The following BRD4 variants were observed in gnomAD, a reference collection of about 807,000 sequenced individuals.
BRD4 encodes the protein bromodomain-containing protein 4.
A neutral mutation model predicts 142.1 loss-of-function variants in BRD4; 16 were observed. That is an observed-to-expected ratio of 0.11 (90% CI 0.08 to 0.17). The LOEUF (loss-of-function observed/expected upper bound fraction) is 0.17, where lower values mean the gene tolerates loss of function less well. Among genes scored for constraint, BRD4 ranks in the 10% least tolerant of loss-of-function variants. The pLI, the probability that BRD4 is intolerant of heterozygous loss-of-function variation, is 1.00. For synonymous variants in BRD4, 833 were observed against 707.5 expected, an observed-to-expected ratio of 1.18 and a Z score of -2.82; for missense variants, 1,424 against 1,810.9, an observed-to-expected ratio of 0.79 and a Z score of 3.88.
At chr19:15,315,746 C>T (rs1023941837) in intron 1 of BRD4, among the ~76,000 whole-genome samples, 4 of 152,000 alleles carry the variant, frequency 2.6e-5, no homozygotes, top group African/African-American at 4.8e-5. Flanking sequence ...GTCCCAGCTA[C>T]TTGGGAGGCT....
At chr19:15,298,051 G>A (rs1449840990) in intron 1 of BRD4, among the ~76,000 whole-genome samples, 2 of 152,204 alleles carry the variant, frequency 1.3e-5, no homozygotes, top group Non-Finnish European at 2.9e-5. Context: ...GCCTCACAAG[G>A]GTTACAGCAG....
intron 11 of BRD4, among the ~76,000 whole-genome samples, chr19:15,245,762 G>A (rs377055636): frequency 7.2e-5 from 11 of 152,208 alleles, no homozygotes; most frequent in East Asian, 5.8e-4. Context: ...ATGGGAGGCC[G>A]GGCCCATGGT....
At chr19:15,290,783 G>A (rs78237996) in intron 1 of BRD4, among the ~76,000 whole-genome samples, 2 of 152,190 alleles carry the variant, frequency 1.3e-5, no homozygotes, top group Middle Eastern at 3.4e-3. Context: ...GAAAACCTAA[G>A]TGTACCCCCT....
chr19:15,329,080 C>CTT (rs999954374), intron 1 of BRD4, among the ~76,000 whole-genome samples: 55 of 143,878 alleles, frequency 3.8e-4, no homozygotes, highest in African/African-American at 1.1e-3. Context: ...GCGCATTCTG[C>CTT]TTTTTTTTTT....
At chr19:15,310,104 T>A (rs2047953741) in intron 1 of BRD4, among the ~76,000 whole-genome samples, 1 of 151,986 alleles carries the variant, frequency 6.6e-6, no homozygotes, top group Non-Finnish European at 1.5e-5. Flanking sequence ...CAGAAACTAC[T>A]TGCTGTGGAA....
rs1199178337 is a variant in BRD4, at chr19:15,242,957, G to C, written c.3112C>G (p.Gln1038Glu). Residue 1038 changes from glutamine (Q) to glutamate (E), a missense_variant, in exon 14 of 20, where the codon CAA becomes GAA. This residue lies in a region of BRD4 where 598 missense variants were observed against 647.8 expected (regional missense o/e 0.92). Transcript: ENST00000679869. ...GGTGAATGGTGGTGCTGGATGACTT[G>C]CTGAGGCTTGGCAGGCTGCGGCGGG... ...PPPPQPAKPQQVIQHHHSPRH... is the reference protein window; with the variant it reads ...PPPPQPAKPQEVIQHHHSPRH... 12 of 1,603,992 alleles carry C rather than the reference G, an allele frequency of 7.5e-6. No homozygotes were observed. Among genetic ancestry groups the C allele is most frequent in the Non-Finnish European group, 9.3e-6 (11 of 1,177,068 alleles).
chr19:15,239,482 G>C lies in BRD4; in HGVS notation c.3486C>G (p.Ile1162Met), dbSNP rs1279370273. ...GCGGTGCGTTCTGCTCTGGGGGCCG[G>C]ATCACAGGCCTCCCGACATCCACAG... is the stretch of plus-strand genomic sequence containing the variant. ...MKPVDVGRPV[I>M]RPPEQNAPPP... The change falls in exon 17 of 20, where the codon ATC becomes ATG. Residue 1162 changes from isoleucine to methionine, a missense_variant. Coordinates refer to ENST00000679869, the MANE Select transcript of BRD4 (RefSeq NM_001379291.1). This position sits in a 1 kb window ranked among gnomAD's most constrained non-coding sequence, Gnocchi z 7.4. 1.2e-6 allele frequency: 2 copies of C among 1,614,016 alleles called. No homozygotes were observed. Among genetic ancestry groups the C allele is most frequent in the South Asian group, 1.1e-5 (1 of 91,086 alleles).
chr19:15,320,993 G>A (rs1321619902), intron 1 of BRD4, among the ~76,000 whole-genome samples: 1 of 152,214 alleles, frequency 6.6e-6, no homozygotes, highest in East Asian at 1.9e-4. Flanking sequence ...CAACACTTTG[G>A]GAGGCCAAGG....
At chr19:15,263,329 A>C (rs531465603) in intron 7 of BRD4, 91 bp downstream of exon 7, 120 of 1,481,318 alleles carry the variant, frequency 8.1e-5, no homozygotes, top group Non-Finnish European at 1.0e-4. Flanking sequence ...AAGTGACAGA[A>C]AAAAAAACTC....
At chr19:15,277,122 G>A (rs190580927) in intron 1 of BRD4, among the ~76,000 whole-genome samples, 18 of 152,258 alleles carry the variant, frequency 1.2e-4, no homozygotes, top group African/African-American at 4.3e-4. Context: ...CTGACCTGTG[G>A]CCAAAAAGCA....
At chr19:15,272,050 T>G (rs756558095) in intron 2 of BRD4, among the ~76,000 whole-genome samples, 4 of 146,932 alleles carry the variant, frequency 2.7e-5, no homozygotes, top group Non-Finnish European at 6.0e-5. Flanking sequence ...TTAAAGACAA[T>G]TAGTCTTTGG....
intron 1 of BRD4, among the ~76,000 whole-genome samples, chr19:15,327,857 A>G (rs2048122215): frequency 8.4e-6 from 1 of 119,586 alleles, no homozygotes; most frequent in Non-Finnish European, 1.6e-5. Context: ...AGTGGCTTCC[A>G]GGGGCAAAAG....
chr19:15,238,347 AAATC>A lies in BRD4; in HGVS notation c.*26_*29del. The A allele has an allele frequency of 1.2e-6, 2 of 1,613,636 alleles. No homozygotes were observed. The highest frequency in any genetic ancestry group is 1.7e-6 in the Non-Finnish European group (2 of 1,179,728). ...TATGGAAAGTCAATGTTTTGCCAGA[AAATC>A]AAAGTCAGAAGCCACCTAGGTGCGC... On this transcript the variant is annotated 3_prime_UTR_variant, in exon 20 of 20. Coordinates refer to ENST00000679869, the MANE Select transcript of BRD4 (RefSeq NM_001379291.1). This position sits in a 1 kb window ranked among gnomAD's most constrained non-coding sequence, Gnocchi z 7.2.
At chr19:15,244,801 G>A (rs2047271362) in intron 11 of BRD4, 39 bp from the exon 12 acceptor site, 1 of 1,613,636 alleles carries the variant, frequency 6.2e-7, no homozygotes, top group African/African-American at 1.3e-5. Flanking sequence ...CTCTGGGGGA[G>A]AAGGTGAGTG....
intron 2 of BRD4, among the ~76,000 whole-genome samples, chr19:15,271,915 C>T (rs1160442175): frequency 1.3e-5 from 2 of 149,992 alleles, no homozygotes; most frequent in Non-Finnish European, 2.9e-5. Flanking sequence ...CTCCTACACA[C>T]CAGTGGCTCT....
At chr19:15,325,848 A>G (rs1437669081) in intron 1 of BRD4, among the ~76,000 whole-genome samples, 1 of 151,810 alleles carries the variant, frequency 6.6e-6, no homozygotes, top group Non-Finnish European at 1.5e-5. Context: ...GAAATACAAA[A>G]TTAGCTGGGC....
chr19:15,258,626 G>T (rs957830110), intron 7 of BRD4, among the ~76,000 whole-genome samples: 1 of 151,994 alleles, frequency 6.6e-6, no homozygotes, highest in East Asian at 1.9e-4. Context: ...TCTTTTTGGA[G>T]ATAGGGCCTT....
Position 15,238,102 on chromosome 19 carries a change from C to T in BRD4, c.*275G>A. On this transcript the variant is annotated 3_prime_UTR_variant, in exon 20 of 20. Coordinates refer to ENST00000679869, the MANE Select transcript of BRD4 (RefSeq NM_001379291.1). The surrounding 1 kb of genome is among the most constrained non-coding windows in gnomAD (Gnocchi z 7.2). ...CTGCCCCGCATGTGGGGATGCAGGG[C>T]TTGGGTCCAGCCGGCACTTGCTCGT... 1 of 485,106 alleles carries T rather than the reference C, an allele frequency of 2.1e-6. No homozygotes were observed. The highest frequency in any genetic ancestry group is 2.3e-5 in the South Asian group (1 of 42,880). 30.1% of individuals were successfully genotyped at this position (485,106 alleles called of 1,614,324 possible).
chr19:15,292,554 G>T (rs1047739707), intron 1 of BRD4, among the ~76,000 whole-genome samples: 6 of 151,990 alleles, frequency 3.9e-5, no homozygotes, highest in Admixed American at 3.9e-4. Flanking sequence ...CGAGGCGGGC[G>T]GATCACGAGG....
Sources: gnomAD v4.1 joint callset for allele counts (sites outside exome capture counted in the v4.1 genomes callset) on GRCh38, gnomAD v4.1.1 for gene constraint, gnomAD v4.1.1 regional missense constraint, Gnocchi (gnomAD v3.1) non-coding constraint, MANE v1.5 for transcripts, NCBI Gene and HGNC (gene_info 2026-07-23, HGNC 2026-07-21) for gene names.